Variants in ELF5 observed in about 807,000 individuals in gnomAD.
ELF5 encodes E74 like ETS transcription factor 5.
In ELF5, 31 loss-of-function variants were observed where a neutral mutation model predicts 38.2. The observed-to-expected ratio is 0.81, with a 90% CI of 0.61 to 1.10. The LOEUF is 1.10. Among genes scored for constraint, ELF5 ranks in the 50% least tolerant of loss-of-function variants. The pLI, the probability that ELF5 is intolerant of heterozygous loss-of-function variation, is 0.00. For synonymous variants in ELF5, 121 were observed against 112.5 expected (o/e 1.08, Z -0.48); for missense variants, 300 against 306.6 (o/e 0.98, Z 0.16).
chr11:34,505,889 G>T (rs2231819), intron 1 of ELF5, 136 bp from the exon 2 acceptor site: 6 of 1,047,932 alleles, frequency 5.7e-6, no homozygotes, highest in South Asian at 2.0e-5. Flanking sequence ...AGCAGGCACC[G>T]CCTAGTGTCA....
chr11:34,495,901 G>C (rs191068361), intron 2 of ELF5, among the ~76,000 whole-genome samples: 1 of 152,340 alleles, frequency 6.6e-6, no homozygotes, highest in Admixed American at 6.5e-5. Context: ...AAACCTGAGG[G>C]GCCTTTTGGA....
intron 2 of ELF5, among the ~76,000 whole-genome samples, chr11:34,502,908 C>T (rs746874308): frequency 2.2e-4 from 34 of 152,188 alleles, no homozygotes; most frequent in Admixed American, 5.2e-4. Flanking sequence ...GATGGAAATG[C>T]GGAAGCCTCT....
At chr11:34,480,720 A>G in intron 6 of ELF5, 52 bp downstream of exon 6, 1 of 1,559,750 alleles carries the variant, frequency 6.4e-7, no homozygotes, top group Non-Finnish European at 8.7e-7. Flanking sequence ...ACAGCCAGCC[A>G]TTGTATATAA....
intron 2 of ELF5, among the ~76,000 whole-genome samples, chr11:34,502,824 T>C (rs1363981029): frequency 6.6e-6 from 1 of 152,196 alleles, no homozygotes; most frequent in Non-Finnish European, 1.5e-5. Flanking sequence ...GTCTTCGATA[T>C]TGCCTGATGC....
At chr11:34,509,652 G>T (rs970760366) in intron 1 of ELF5, among the ~76,000 whole-genome samples, 1 of 152,090 alleles carries the variant, frequency 6.6e-6, no homozygotes, top group South Asian at 2.1e-4. Context: ...GAGGGATGGG[G>T]TGAGAGGTTA....
chr11:34,481,244 G>A (rs956128438), intron 5 of ELF5, among the ~76,000 whole-genome samples: 2 of 152,006 alleles, frequency 1.3e-5, no homozygotes, highest in East Asian at 3.9e-4. Context: ...GGCTGGCCTC[G>A]AACTCCTGAC....
chr11:34,500,058 T>C (rs545346749), intron 2 of ELF5, among the ~76,000 whole-genome samples: 1 of 149,616 alleles, frequency 6.7e-6, no homozygotes, highest in East Asian at 1.9e-4. Context: ...ATAAGTCACC[T>C]GTTATTGGTT....
Position 34,498,180 on chromosome 11 carries a change from T to A in ELF5, c.122-4468A>T, listed in dbSNP as rs113192764. On this transcript the variant is annotated intron_variant, in intron 2 of 6. Transcript: ENST00000257832. ...CAAAATAAAAATAATAGGACCTACTTATCTGGGCTATTAAAAGGATTATGT... is the reference window on the plus strand; with the variant it reads ...CAAAATAAAAATAATAGGACCTACTAATCTGGGCTATTAAAAGGATTATGT... 2.6e-3 allele frequency among the ~76,000 whole-genome samples: 398 copies of A among 152,264 alleles called. 2 individuals are homozygous for A. Among genetic ancestry groups the A allele is most frequent in the Non-Finnish European group, 4.4e-3 (297 of 68,024 alleles).
At chr11:34,505,880 G>T in intron 1 of ELF5, 127 bp from the exon 2 acceptor site, 1 of 1,169,434 alleles carries the variant, frequency 8.6e-7, no homozygotes, top group Non-Finnish European at 1.2e-6. Context: ...CTCACTAGGA[G>T]CAGGCACCGC....
intron 1 of ELF5, chr11:34,511,585 C>T (rs1172606414): frequency 6.2e-7 from 1 of 1,614,192 alleles, no homozygotes; most frequent in Non-Finnish European, 8.5e-7. Context: ...CTGAGGTCCC[C>T]AGATGCCTCC....
At chr11:34,498,814 G>A (rs1468740385) in intron 2 of ELF5, among the ~76,000 whole-genome samples, 3 of 152,096 alleles carry the variant, frequency 2.0e-5, no homozygotes, top group South Asian at 2.1e-4. Context: ...TTTCCAGGTC[G>A]GGTGCAGTGG....
intron 1 of ELF5, among the ~76,000 whole-genome samples, chr11:34,508,253 G>A (rs1307247686): frequency 6.6e-6 from 1 of 152,180 alleles, no homozygotes; most frequent in Non-Finnish European, 1.5e-5. Flanking sequence ...TGTAATCCCA[G>A]CACTTTGGGA....
chr11:34,492,504 C>T (rs1051882624), intron 3 of ELF5: 3 of 152,202 alleles, frequency 2.0e-5, no homozygotes, highest in African/African-American at 4.8e-5. Context: ...AGGTACTAAC[C>T]TTTAAAAAGA....
intron 1 of ELF5, chr11:34,511,564 T>A (rs181685936): frequency 6.2e-7 from 1 of 1,614,196 alleles, no homozygotes; most frequent in South Asian, 1.1e-5. Context: ...GAGGCAGAGA[T>A]GGCATGGAAG....
intron 2 of ELF5, among the ~76,000 whole-genome samples, chr11:34,497,578 G>C (rs1850348921): frequency 6.6e-6 from 1 of 152,238 alleles, no homozygotes; most frequent in Non-Finnish European, 1.5e-5. Context: ...GGGTGCACCA[G>C]ATGCCCGCAG....
chr11:34,511,773 A>G (rs1300959401), intron 1 of ELF5: 7 of 601,334 alleles, frequency 1.2e-5, no homozygotes, highest in Non-Finnish European at 1.7e-5. Context: ...CCTCCCAGAG[A>G]GAGGGGAAGG....
rs753511974 is a variant in ELF5, at chr11:34,493,567, C to T, written c.267G>A (p.Leu89=). 2.5e-6 allele frequency: 4 copies of T among 1,614,230 alleles called. No homozygotes were observed. The highest frequency in any genetic ancestry group is 3.4e-6 in the Non-Finnish European group (4 of 1,180,048). Residue 89 remains leucine, a synonymous_variant, in exon 3 of 7, where the codon CTG becomes CTA. Transcript: ENST00000257832. ...FCNFNISGLQ[L]CSMTQEEFVE... is the part of the protein sequence containing the mutation. ...CGAACTCCTCCTGTGTCATGCTGCACAGCTGCAGGCCACTGATGTTGAAGT... is the reference window on the plus strand; with the variant it reads ...CGAACTCCTCCTGTGTCATGCTGCATAGCTGCAGGCCACTGATGTTGAAGT...
Position 34,480,795 on chromosome 11 carries a change from A to G in ELF5, c.648T>C (p.Tyr216=), listed in dbSNP as rs1380846152. The change falls in exon 6 of 7, where the codon TAT becomes TAC. Residue 216 remains tyrosine (Y), a synonymous_variant. Coordinates refer to ENST00000257832, the MANE Select transcript of ELF5 (RefSeq NM_001422.4). ...ACCTCAGGGCTCTGCTCAACTTTTC[A>G]TATGTCATTCTGTCATTTTTCTTCC... is the stretch of plus-strand genomic sequence containing the variant. The part of the protein sequence containing the change: ...GQRKKNDRMT[Y]EKLSRALRYY... The G allele has an allele frequency of 1.2e-6, 2 of 1,613,964 alleles. No individual in the cohort carries two copies. Among genetic ancestry groups the G allele is most frequent in the East Asian group, 2.2e-5 (1 of 44,860 alleles).
At chr11:34,495,539 G>T (rs1287512118) in intron 2 of ELF5, among the ~76,000 whole-genome samples, 3 of 152,208 alleles carry the variant, frequency 2.0e-5, no homozygotes, top group African/African-American at 7.2e-5. Context: ...GGAAATAGAG[G>T]CTCCCCTTAA....
Sources: gnomAD v4.1 joint callset for allele counts (sites outside exome capture counted in the v4.1 genomes callset) on GRCh38, gnomAD v4.1.1 for gene constraint, MANE v1.5 for transcripts, NCBI Gene and HGNC (gene_info 2026-07-23, HGNC 2026-07-21) for gene names.